The following EPHB1 variants were observed in gnomAD, a reference collection of about 807,000 sequenced individuals.
The protein encoded by EPHB1 is EPH receptor B1.
A neutral mutation model predicts 94.4 loss-of-function variants in EPHB1; 30 were observed. That is an observed-to-expected ratio of 0.32 (90% CI 0.24 to 0.43). The LOEUF is 0.43. Among genes scored for constraint, EPHB1 ranks in the 20% least tolerant of loss-of-function variants. EPHB1 has a pLI of 1.00. For synonymous variants in EPHB1, 522 were observed against 489.1 expected, an observed-to-expected ratio of 1.07 and a Z score of -0.89; for missense variants, 1,055 against 1,308.3, an observed-to-expected ratio of 0.81 and a Z score of 2.99.
At chr3:134,810,276 A>AGAGTGTGTGTGT (rs1553852935) in intron 1 of EPHB1, among the ~76,000 whole-genome samples, 1 of 145,792 alleles carries the variant, frequency 6.9e-6, no homozygotes, top group Non-Finnish European at 1.5e-5. Flanking sequence ...GCACAGGAGG[A>AGAGTGTGTGTGT]GTGTGTGTGT....
chr3:134,831,783 C>T (rs1197058777), intron 1 of EPHB1, among the ~76,000 whole-genome samples: 3 of 152,216 alleles, frequency 2.0e-5, no homozygotes, highest in South Asian at 4.1e-4. Context: ...AGAAGCAATA[C>T]GTGCTTCTGA....
chr3:135,239,459 G>A (rs751040190), intron 12 of EPHB1, among the ~76,000 whole-genome samples: 3 of 152,172 alleles, frequency 2.0e-5, no homozygotes, highest in Non-Finnish European at 4.4e-5. Flanking sequence ...GGGAGCTGCC[G>A]TCCCTGCTCT....
chr3:135,215,529 A>G (rs1943130612), intron 12 of EPHB1, among the ~76,000 whole-genome samples: 1 of 152,230 alleles, frequency 6.6e-6, no homozygotes, highest in Admixed American at 6.5e-5. Flanking sequence ...CAGTCACTCT[A>G]TAACAGAAAA....
At chr3:134,876,562 A>G (rs890697167) in intron 1 of EPHB1, among the ~76,000 whole-genome samples, 5 of 152,212 alleles carry the variant, frequency 3.3e-5, no homozygotes, top group Non-Finnish European at 7.3e-5. Flanking sequence ...GGCAGTGGCA[A>G]AGACAGCCAC....
At position 135,260,324 on chromosome 3, in the gene EPHB1, CTTG is replaced by C. The variant is rs1174474988; in HGVS notation, c.*1209_*1211del. 2 of 232,588 alleles carry C rather than the reference CTTG, an allele frequency of 8.6e-6. No homozygotes were observed. Among genetic ancestry groups the C allele is most frequent in the East Asian group, 6.1e-5 (1 of 16,416 alleles). The allele number at this position is 232,588 out of a possible 1,614,324, so 14.4% of individuals were successfully genotyped here. On this transcript the variant is annotated 3_prime_UTR_variant, in exon 16 of 16. Coordinates refer to ENST00000398015, the MANE Select transcript of EPHB1 (RefSeq NM_004441.5). ...TGTGTCTGTGTTTCTCTTTACATTC[CTTG>C]TTGTACCTCATTGTTCAATTCACTT...
At chr3:134,876,234 C>T (rs2037614112) in intron 1 of EPHB1, among the ~76,000 whole-genome samples, 1 of 152,178 alleles carries the variant, frequency 6.6e-6, no homozygotes, top group Non-Finnish European at 1.5e-5. Flanking sequence ...TGTTCTCCAA[C>T]CATGTTCAGG....
chr3:134,855,517 A>T (rs747819039), intron 1 of EPHB1, among the ~76,000 whole-genome samples: 3 of 152,198 alleles, frequency 2.0e-5, no homozygotes, highest in Non-Finnish European at 4.4e-5. Flanking sequence ...ATGTAGCAGC[A>T]TGCACCCTCT....
Position 135,192,919 on chromosome 3 carries a change from C to T in EPHB1, c.2130+96C>T, listed in dbSNP as rs542798023. 8.8e-5 allele frequency: 130 copies of T among 1,474,336 alleles called. No homozygotes were observed. In the African/African-American group the frequency reaches 1.3e-3, roughly 15 times the overall value. The allele number at this position is 1,474,336 out of a possible 1,614,324, so 91.3% of individuals were successfully genotyped here. Reference sequence around the variant, plus strand: ...TGAGCACAACCTACCAATCAGGAATCGCCTGATCCAGTGTGAATGGGCATT... The same window carrying T: ...TGAGCACAACCTACCAATCAGGAATTGCCTGATCCAGTGTGAATGGGCATT... On this transcript the variant is annotated intron_variant, in intron 11 of 15. Transcript: ENST00000398015.
At chr3:134,884,238 T>C (rs2037817131) in intron 1 of EPHB1, among the ~76,000 whole-genome samples, 1 of 152,212 alleles carries the variant, frequency 6.6e-6, no homozygotes, top group African/African-American at 2.4e-5. Flanking sequence ...AGGTACCACC[T>C]TGGAGCATGT....
chr3:134,839,279 T>A lies in EPHB1; in HGVS notation c.58+43590T>A, dbSNP rs530680496. Among the ~76,000 whole-genome samples the A allele has an allele frequency of 2.6e-5, 4 of 152,256 alleles. No homozygotes were observed. The South Asian group carries it at 8.3e-4, about 32-fold the overall frequency. On this transcript the variant is annotated intron_variant, in intron 1 of 15. Transcript: ENST00000398015. ...ATAGTAACTGTGCTCAGCAGACACA[T>A]CCCTGCCCCTTACCGTGCTTGTTAC...
chr3:135,015,309 C>G (rs1030075634), intron 3 of EPHB1, among the ~76,000 whole-genome samples: 11 of 151,668 alleles, frequency 7.3e-5, no homozygotes, highest in African/African-American at 2.4e-4. Flanking sequence ...GGCATGATCT[C>G]GGCTCACTGC....
chr3:135,110,874 G>T lies in EPHB1; in HGVS notation c.961+4271G>T, dbSNP rs946041862. Among the ~76,000 whole-genome samples, 4 of 152,214 alleles carry T rather than the reference G, an allele frequency of 2.6e-5. No homozygotes were observed. In the South Asian group the frequency reaches 6.2e-4, roughly 24 times the overall value. The stretch of plus-strand genomic sequence containing the variant: ...AGGCACGACAGGGCAGTGGTGGGGT[G>T]GGGGGGTGGTGTCCCTGTGGCATAA... On this transcript the variant is annotated intron_variant, in intron 4 of 15. Transcript: ENST00000398015.
chr3:134,894,107 C>G (rs1434608346), intron 1 of EPHB1, among the ~76,000 whole-genome samples: 1 of 152,236 alleles, frequency 6.6e-6, no homozygotes, highest in African/African-American at 2.4e-5. Context: ...CCTACCAAAG[C>G]AGGGATTCTA....
intron 1 of EPHB1, among the ~76,000 whole-genome samples, chr3:134,821,970 A>G (rs1173563580): frequency 6.6e-6 from 1 of 152,222 alleles, no homozygotes; most frequent in African/African-American, 2.4e-5. Flanking sequence ...AGTTTCATCC[A>G]GGAGAACTTT....
intron 13 of EPHB1, among the ~76,000 whole-genome samples, chr3:135,244,049 C>A (rs1488238252): frequency 6.6e-6 from 1 of 152,058 alleles, no homozygotes; most frequent in East Asian, 1.9e-4. Context: ...CAGCCGGGAG[C>A]AGGCCCTGAA....
intron 1 of EPHB1, among the ~76,000 whole-genome samples, chr3:134,919,081 G>T (rs955003633): frequency 1.3e-5 from 2 of 152,186 alleles, no homozygotes; most frequent in African/African-American, 4.8e-5. Flanking sequence ...AGTCAGATAG[G>T]GTGCTGATAA....
intron 15 of EPHB1, among the ~76,000 whole-genome samples, chr3:135,255,125 A>G (rs2107734552): frequency 6.6e-6 from 1 of 152,036 alleles, no homozygotes; most frequent in South Asian, 2.1e-4. Context: ...TAGTCTTGCT[A>G]GCGGTCTATC....
At chr3:135,039,154 T>G (rs1028867663) in intron 3 of EPHB1, among the ~76,000 whole-genome samples, 1 of 152,110 alleles carries the variant, frequency 6.6e-6, no homozygotes, top group African/African-American at 2.4e-5. Flanking sequence ...TTGAGCTAGA[T>G]ACAGAGTGCC....
At chr3:135,150,432 TC>T (rs1275170022) in intron 5 of EPHB1, among the ~76,000 whole-genome samples, 33 of 152,126 alleles carry the variant, frequency 2.2e-4, no homozygotes, top group African/African-American at 7.7e-4. Flanking sequence ...GTCTTTATCC[TC>T]CCCCATGACT....
Sources: gnomAD v4.1 joint callset for allele counts (sites outside exome capture counted in the v4.1 genomes callset) on GRCh38, gnomAD v4.1.1 for gene constraint, MANE v1.5 for transcripts, NCBI Gene and HGNC (gene_info 2026-07-23, HGNC 2026-07-21) for gene names.